CDIN1: variants seen among roughly 807,000 people sequenced by gnomAD.
The protein encoded by CDIN1 is CDAN1-interacting nuclease 1.
CDIN1 carries 33 observed loss-of-function variants against 45.3 expected under a neutral mutation model. The ratio of observed to expected loss-of-function variants is 0.73; its 90% CI spans 0.55 to 0.97. The LOEUF (loss-of-function observed/expected upper bound fraction) is 0.97. Ranked by LOEUF, CDIN1 falls within the 50% of genes least tolerant of loss-of-function variation. The pLI is 0.00. For missense variants in CDIN1, 303 were observed against 339.4 expected (o/e 0.89, Z 0.84); for synonymous variants, 118 against 124.4 (o/e 0.95, Z 0.34).
At chr15:36,750,103 G>A (rs1027637721) in intron 10 of CDIN1, among the ~76,000 whole-genome samples, 11 of 151,856 alleles carry the variant, frequency 7.2e-5, no homozygotes, top group African/African-American at 2.4e-4. Context: ...TGGTGGTGTG[G>A]TGGGGGCACA....
chr15:36,688,201 A>G (rs2042127314), intron 5 of CDIN1, among the ~76,000 whole-genome samples: 1 of 152,064 alleles, frequency 6.6e-6, no homozygotes, highest in Admixed American at 6.6e-5. Context: ...CAGAGCCAAC[A>G]TTTGGTCTCA....
chr15:36,808,824 G>A lies in CDIN1; in HGVS notation c.*371G>A, dbSNP rs145803094. 881 of 457,626 alleles carry A rather than the reference G, an allele frequency of 1.9e-3. 2 individuals are homozygous for A. Among genetic ancestry groups the A allele is most frequent in the African/African-American group, 0.015 (745 of 50,108 alleles). 28.3% of individuals were successfully genotyped at this position (457,626 alleles called of 1,614,324 possible). On this transcript the variant is annotated 3_prime_UTR_variant, in exon 11 of 11. Transcript: ENST00000566621. ...TTTTTCAATTCTCCTCCCAGTTACC[G>A]AATCACCCTCTTATTTTTTTTTCCC...
intron 10 of CDIN1, among the ~76,000 whole-genome samples, chr15:36,712,260 C>CTTTTTTTTTTTTTTTT (rs780494427): frequency 2.6e-5 from 2 of 77,372 alleles, no homozygotes; most frequent in Non-Finnish European, 4.6e-5. Context: ...TAGACTAATG[C>CTTTTTTTTTTTTTTTT]TTTTTTTTTT....
At chr15:36,612,770 G>C (rs1218853688) in intron 1 of CDIN1, among the ~76,000 whole-genome samples, 2 of 152,200 alleles carry the variant, frequency 1.3e-5, no homozygotes, top group Non-Finnish European at 2.9e-5. Flanking sequence ...TGTAAAGATA[G>C]AGAGTTGGGT....
At chr15:36,755,086 T>A (rs2140981710) in intron 10 of CDIN1, among the ~76,000 whole-genome samples, 1 of 152,318 alleles carries the variant, frequency 6.6e-6, no homozygotes, top group South Asian at 2.1e-4. Context: ...TTCATAGCAA[T>A]ATTGACAGTG....
At chr15:36,711,278 C>T (rs1370593460) in intron 10 of CDIN1, among the ~76,000 whole-genome samples, 3 of 152,102 alleles carry the variant, frequency 2.0e-5, no homozygotes, top group African/African-American at 7.2e-5. Flanking sequence ...CTGATAAGCT[C>T]AATCAGTAGG....
At chr15:36,701,174 A>G (rs759888554) in intron 8 of CDIN1, among the ~76,000 whole-genome samples, 1 of 150,004 alleles carries the variant, frequency 6.7e-6, no homozygotes, top group Non-Finnish European at 1.5e-5. Flanking sequence ...AGATAGATAG[A>G]TATGAGCATT....
chr15:36,717,104 T>C (rs2140863743), intron 10 of CDIN1, among the ~76,000 whole-genome samples: 1 of 152,336 alleles, frequency 6.6e-6, no homozygotes, highest in Admixed American at 6.5e-5. Flanking sequence ...CTTAATGTGG[T>C]TGGAGAAAAT....
intron 1 of CDIN1, among the ~76,000 whole-genome samples, chr15:36,593,673 C>G (rs774757983): frequency 4.6e-5 from 7 of 152,154 alleles, no homozygotes; most frequent in Non-Finnish European, 1.0e-4. Flanking sequence ...ACAGCATTCT[C>G]CTGCCTCAGC....
chr15:36,777,917 G>A (rs899001236), intron 10 of CDIN1, among the ~76,000 whole-genome samples: 4 of 152,152 alleles, frequency 2.6e-5, no homozygotes, highest in African/African-American at 9.7e-5. Flanking sequence ...AGCATCTCAA[G>A]TCTTCAAAGG....
chr15:36,796,309 T>C (rs2054794992), intron 10 of CDIN1, among the ~76,000 whole-genome samples: 1 of 152,208 alleles, frequency 6.6e-6, no homozygotes, highest in Admixed American at 6.5e-5. Context: ...GCTATTCTAT[T>C]CACTTTATAG....
chr15:36,808,510 A>C lies in CDIN1; in HGVS notation c.*57A>C. On this transcript the variant is annotated 3_prime_UTR_variant, in exon 11 of 11. Transcript: ENST00000566621. ...AAAAGGTGAATCCGGAAGCAATTTT[A>C]CTTTCCTGCACTGTAAGATCCTGGC... 6.3e-7 allele frequency: 1 copy of C among 1,592,218 alleles called. No individual in the cohort carries two copies. The highest frequency in any genetic ancestry group is 8.6e-7 in the Non-Finnish European group (1 of 1,168,404).
chr15:36,770,714 G>T (rs12898619), intron 10 of CDIN1, among the ~76,000 whole-genome samples: 123,036 of 152,122 alleles, frequency 0.81, 52,295 homozygotes, highest in East Asian at 0.95. Flanking sequence ...CTCCCAAAGT[G>T]CTGGGATTAC....
At chr15:36,788,711 A>ACT (rs56145616) in intron 10 of CDIN1, among the ~76,000 whole-genome samples, 121,505 of 151,940 alleles carry the variant, frequency 0.8, 51,552 homozygotes, top group East Asian at 0.95. Context: ...GCATTTAAAC[A>ACT]CTGAATAATT....
intron 5 of CDIN1, among the ~76,000 whole-genome samples, chr15:36,662,900 AC>A (rs2041078053): frequency 9.2e-6 from 1 of 108,692 alleles, no homozygotes; most frequent in African/African-American, 3.6e-5. Context: ...CATTATACTT[AC>A]TGGATGAGCA....
At chr15:36,748,719 G>A (rs988705999) in intron 10 of CDIN1, among the ~76,000 whole-genome samples, 9 of 152,084 alleles carry the variant, frequency 5.9e-5, no homozygotes, top group African/African-American at 2.2e-4. Context: ...TTCACCACTT[G>A]GGATTATTTC....
chr15:36,669,772 G>A (rs1478925320), intron 5 of CDIN1, among the ~76,000 whole-genome samples: 2 of 152,056 alleles, frequency 1.3e-5, no homozygotes, highest in Non-Finnish European at 2.9e-5. Flanking sequence ...CAATTTGGAT[G>A]TGTCTAAGGT....
intron 1 of CDIN1, among the ~76,000 whole-genome samples, chr15:36,606,726 G>C (rs970695214): frequency 2.0e-5 from 3 of 152,080 alleles, no homozygotes; most frequent in African/African-American, 7.2e-5. Flanking sequence ...ATTTTAAAAT[G>C]TTTTCTGTTA....
intron 8 of CDIN1, among the ~76,000 whole-genome samples, chr15:36,703,347 TATAC>T (rs1170327857): frequency 1.6e-5 from 2 of 126,372 alleles, no homozygotes; most frequent in African/African-American, 3.4e-5. Context: ...CTATCAGATA[TATAC>T]ATATATCAGA....
Sources: allele counts gnomAD v4.1 joint callset (sites outside exome capture counted in the v4.1 genomes callset), GRCh38; gene constraint gnomAD v4.1.1; transcripts MANE v1.5; gene names NCBI Gene and HGNC (gene_info 2026-07-23, HGNC 2026-07-21).